LRP1B: variants seen among roughly 807,000 people sequenced by gnomAD.
The protein encoded by LRP1B is low-density lipoprotein receptor-related protein 1B.
Under a neutral mutation model 556.6 loss-of-function variants are expected in LRP1B, and 217 were observed. The observed-to-expected ratio is 0.39, with a 90% CI of 0.35 to 0.44. The LOEUF (loss-of-function observed/expected upper bound fraction) is 0.44. Among genes scored for constraint, LRP1B ranks in the 20% least tolerant of loss-of-function variants. The probability of loss-of-function intolerance (pLI) is 1.00; values close to 1 mark genes in which losing one functional copy is unlikely to be tolerated. For missense variants in LRP1B, 5,053 were observed against 5,620.8 expected (o/e 0.90, Z 3.23); for synonymous variants, 2,047 against 1,865.8 (o/e 1.10, Z -2.50).
chr2:141,541,115 C>T (rs912008189), intron 2 of LRP1B, among the ~76,000 whole-genome samples: 1 of 151,948 alleles, frequency 6.6e-6, no homozygotes, highest in Non-Finnish European at 1.5e-5. Context: ...TCTACTTACT[C>T]CTTAATTATT....
chr2:140,537,381 G>A (rs1679954443), intron 45 of LRP1B, among the ~76,000 whole-genome samples: 1 of 151,742 alleles, frequency 6.6e-6, no homozygotes, highest in Non-Finnish European at 1.5e-5. Flanking sequence ...AATGTTTGAT[G>A]TGAATCATCT....
At chr2:140,958,338 A>G (rs1695935454) in intron 18 of LRP1B, among the ~76,000 whole-genome samples, 1 of 151,640 alleles carries the variant, frequency 6.6e-6, no homozygotes, top group South Asian at 2.1e-4. Context: ...ACCATGTAAA[A>G]AGACACACAG....
rs1161226873 is a variant in LRP1B, at chr2:141,910,708, G to T, written c.83-100307C>A. On this transcript the variant is annotated intron_variant, in intron 1 of 90. Coordinates refer to ENST00000389484, the MANE Select transcript of LRP1B (RefSeq NM_018557.3). The stretch of plus-strand genomic sequence containing the variant: ...ATACCTTGGGATTGCTAAGTGAGAA[G>T]TGAAACACACCAGTTTTTCTATACG... 1.1e-4 allele frequency among the ~76,000 whole-genome samples: 16 copies of T among 152,176 alleles called. No individual in the cohort carries two copies. The South Asian group carries it at 3.3e-3, about 32-fold the overall frequency.
At chr2:140,371,588 C>T (rs375461692) in intron 69 of LRP1B, among the ~76,000 whole-genome samples, 2 of 149,752 alleles carry the variant, frequency 1.3e-5, no homozygotes, top group Non-Finnish European at 3.0e-5. Context: ...TCCTTCATCC[C>T]TTTGATTTTG....
At chr2:141,614,080 C>CAGAAAAAAAAAAAAAAAAAAAAAAA (rs1553543025) in intron 2 of LRP1B, among the ~76,000 whole-genome samples, 1 of 47,346 alleles carries the variant, frequency 2.1e-5, no homozygotes, top group Non-Finnish European at 3.6e-5. Flanking sequence ...AACTCAGCCT[C>CAGAAAAAAAAAAAAAAAAAAAAAAA]AAAAAAAAAA....
intron 1 of LRP1B, among the ~76,000 whole-genome samples, chr2:141,848,242 A>G: frequency 6.6e-6 from 1 of 151,606 alleles, no homozygotes. Context: ...TGTATATACT[A>G]TAGGTGTGTA....
chr2:141,320,558 C>G (rs537885784), intron 3 of LRP1B, among the ~76,000 whole-genome samples: 71 of 152,158 alleles, frequency 4.7e-4, no homozygotes, highest in African/African-American at 1.7e-3. Flanking sequence ...TTTCTGGGAG[C>G]TAGTGCATGC....
chr2:140,618,291 G>A (rs1472227868), intron 41 of LRP1B, among the ~76,000 whole-genome samples: 1 of 151,692 alleles, frequency 6.6e-6, no homozygotes, highest in Non-Finnish European at 1.5e-5. Context: ...AAATATCTAG[G>A]GCTAAAATAA....
intron 2 of LRP1B, among the ~76,000 whole-genome samples, chr2:141,494,600 C>A (rs1574011619): frequency 6.6e-6 from 1 of 151,582 alleles, no homozygotes; most frequent in Admixed American, 6.6e-5. Flanking sequence ...TTAAACAGAG[C>A]TGAATGTCTT....
intron 10 of LRP1B, among the ~76,000 whole-genome samples, chr2:141,052,017 A>G (rs1699050105): frequency 6.6e-6 from 1 of 152,026 alleles, no homozygotes; most frequent in South Asian, 2.1e-4. Context: ...CCATTATCTT[A>G]AGCCTTGTTT....
chr2:141,206,613 T>C (rs1682297237), intron 6 of LRP1B, among the ~76,000 whole-genome samples: 1 of 151,954 alleles, frequency 6.6e-6, no homozygotes, highest in Non-Finnish European at 1.5e-5. Context: ...ATCGCCACTA[T>C]TTCTAAACAA....
intron 7 of LRP1B, among the ~76,000 whole-genome samples, chr2:141,075,743 AC>A (rs1163725840): frequency 1.3e-5 from 2 of 152,206 alleles, no homozygotes; most frequent in African/African-American, 2.4e-5. Flanking sequence ...GTAAGTATCC[AC>A]GAAGTTGTGG....
chr2:140,943,933 A>G (rs944616740), intron 20 of LRP1B, among the ~76,000 whole-genome samples: 1 of 151,960 alleles, frequency 6.6e-6, no homozygotes, highest in African/African-American at 2.4e-5. Flanking sequence ...GAGCAGAACT[A>G]AAAGAAATTT....
At chr2:141,133,207 T>A (rs779059160) in intron 7 of LRP1B, among the ~76,000 whole-genome samples, 2 of 151,310 alleles carry the variant, frequency 1.3e-5, no homozygotes, top group African/African-American at 4.8e-5. Flanking sequence ...TTCAAATTAT[T>A]CTATTCAGAA....
intron 2 of LRP1B, among the ~76,000 whole-genome samples, chr2:141,606,737 G>A (rs537163203): frequency 1.3e-4 from 20 of 152,168 alleles, no homozygotes; most frequent in African/African-American, 2.4e-5. Flanking sequence ...GAGGCGTCAG[G>A]TGAAACCAAC....
At chr2:140,424,986 T>G (rs984895868) in intron 66 of LRP1B, among the ~76,000 whole-genome samples, 5 of 152,208 alleles carry the variant, frequency 3.3e-5, no homozygotes, top group Non-Finnish European at 5.9e-5. Context: ...GTATTTATTT[T>G]TATCTCTATG....
chr2:141,685,418 T>C lies in LRP1B; in HGVS notation c.205+124861A>G, dbSNP rs116251728. ...CAAATGTTGGGATGGTTTTAATATA[T>C]TTTGCATGTGGATAGATGTAAATCC... On this transcript the variant is annotated intron_variant, in intron 2 of 90. Coordinates refer to ENST00000389484, the MANE Select transcript of LRP1B (RefSeq NM_018557.3). 8.2e-3 allele frequency among the ~76,000 whole-genome samples: 1,242 copies of C among 152,174 alleles called. 8 individuals carry two copies. The highest frequency in any genetic ancestry group is 0.014 in the Non-Finnish European group (938 of 67,986).
At chr2:140,879,202 ACTTTCT>A (rs1199202892) in intron 25 of LRP1B, among the ~76,000 whole-genome samples, 1 of 152,086 alleles carries the variant, frequency 6.6e-6, no homozygotes, top group Admixed American at 6.6e-5. Flanking sequence ...CTACCTTGTA[ACTTTCT>A]ATCCAGTTAT....
At chr2:141,359,055 C>T (rs1332430436) in intron 3 of LRP1B, among the ~76,000 whole-genome samples, 1 of 151,714 alleles carries the variant, frequency 6.6e-6, no homozygotes, top group Non-Finnish European at 1.5e-5. Context: ...AAAAACAAAT[C>T]TATGATTACA....
Sources: gnomAD v4.1 joint callset for allele counts (sites outside exome capture counted in the v4.1 genomes callset) on GRCh38, gnomAD v4.1.1 for gene constraint, MANE v1.5 for transcripts, NCBI Gene and HGNC (gene_info 2026-07-23, HGNC 2026-07-21) for gene names.